Variants in SRD5A1 observed in about 807,000 individuals in gnomAD.
SRD5A1 encodes the protein steroid 5 alpha-reductase 1, also known as 3-oxo-5-alpha-steroid 4-dehydrogenase 1.
In SRD5A1, 22 loss-of-function variants were observed where a neutral mutation model predicts 28.2. The ratio of observed to expected loss-of-function variants is 0.78; its 90% CI spans 0.56 to 1.12. The LOEUF is 1.12. Ranked by LOEUF, SRD5A1 falls within the 50% of genes most tolerant of loss-of-function variation. SRD5A1 has a pLI of 0.00. For synonymous variants in SRD5A1, 151 were observed against 135.0 expected (o/e 1.12, Z -0.82); for missense variants, 300 against 346.7 (o/e 0.87, Z 1.07).
chr5:6,651,736 T>C, intron 1 of SRD5A1, 106 bp from the exon 2 acceptor site: 2 of 1,059,408 alleles, frequency 1.9e-6, no homozygotes, highest in Non-Finnish European at 2.7e-6. Context: ...GAGGATGACA[T>C]TTGTACAAGA....
intron 1 of SRD5A1, among the ~76,000 whole-genome samples, chr5:6,634,086 G>T (rs1254863408): frequency 6.6e-6 from 1 of 152,258 alleles, no homozygotes; most frequent in African/African-American, 2.4e-5. Flanking sequence ...TCTGGAAAGG[G>T]CGGGAAACAA....
intron 2 of SRD5A1, among the ~76,000 whole-genome samples, chr5:6,654,287 C>A (rs1738771170): frequency 6.6e-6 from 1 of 151,942 alleles, no homozygotes; most frequent in Non-Finnish European, 1.5e-5. Flanking sequence ...GGACTCCTGA[C>A]CTCAGGTGAT....
intron 3 of SRD5A1, among the ~76,000 whole-genome samples, chr5:6,659,621 G>A (rs1009302916): frequency 6.6e-6 from 1 of 152,154 alleles, no homozygotes; most frequent in Admixed American, 6.5e-5. Context: ...ACCCTATACC[G>A]GAGGAAGTGG....
At chr5:6,653,074 T>G (rs1463976959) in intron 2 of SRD5A1, among the ~76,000 whole-genome samples, 2 of 152,188 alleles carry the variant, frequency 1.3e-5, no homozygotes, top group African/African-American at 4.8e-5. Flanking sequence ...TAAAGTGACC[T>G]TACATTGCAT....
intron 3 of SRD5A1, among the ~76,000 whole-genome samples, chr5:6,658,568 C>A (rs772114636): frequency 4.3e-4 from 66 of 152,166 alleles, no homozygotes; most frequent in Non-Finnish European, 7.9e-4. Context: ...AAAGGAAATG[C>A]AGAAGCTTGG....
intron 2 of SRD5A1, 54 bp downstream of exon 2, chr5:6,652,062 G>T: frequency 6.5e-7 from 1 of 1,540,564 alleles, no homozygotes; most frequent in Non-Finnish European, 8.8e-7. Context: ...CTTTTATATT[G>T]ATGTCCCAGT....
intron 3 of SRD5A1, among the ~76,000 whole-genome samples, chr5:6,659,239 G>A (rs191541532): frequency 1.3e-5 from 2 of 151,066 alleles, no homozygotes; most frequent in Admixed American, 6.6e-5. Flanking sequence ...TCAGCCCCCC[G>A]AGTAGCTGGG....
intron 3 of SRD5A1, among the ~76,000 whole-genome samples, chr5:6,658,397 G>A (rs937225687): frequency 6.6e-6 from 1 of 152,180 alleles, no homozygotes; most frequent in African/African-American, 2.4e-5. Flanking sequence ...GAACACCTGC[G>A]ACGAACCCGC....
chr5:6,638,795 C>T (rs1366885574), intron 1 of SRD5A1, among the ~76,000 whole-genome samples: 17 of 152,132 alleles, frequency 1.1e-4, no homozygotes. Flanking sequence ...GCAATTTGGC[C>T]ATCATTTCAA....
rs553438148 is a variant in SRD5A1 at position 6,658,109 on chromosome 5, G to A, written c.562+1930G>A. Among the ~76,000 whole-genome samples the A allele has an allele frequency of 3.3e-5, 5 of 152,276 alleles. No individual in the cohort carries two copies. The South Asian group carries it at 1.0e-3, about 32-fold the overall frequency. Reference sequence around the variant, plus strand: ...AGAGGCCGAGGTGGGCAGATCACATGAGGTCCAGAGTTCGAGACCAACCTG... The same window carrying A: ...AGAGGCCGAGGTGGGCAGATCACATAAGGTCCAGAGTTCGAGACCAACCTG... On this transcript the variant is annotated intron_variant, in intron 3 of 4. Transcript: ENST00000274192.
rs956958199 is a variant in SRD5A1 at position 6,645,183 on chromosome 5, A to G, written c.294-6659A>G. ...CTTGAGGATGCACAGCCAGCATGAC[A>G]CTACTATTATGTGATTACTGTCGAC... On this transcript the variant is annotated intron_variant, in intron 1 of 4. Transcript: ENST00000274192. 8.3e-6 allele frequency: 3 copies of G among 359,988 alleles called. No homozygotes were observed. The East Asian group carries it at 2.2e-4, about 27-fold the overall frequency. The allele number at this position is 359,988 out of a possible 1,614,324, so 22.3% of individuals were successfully genotyped here.
chr5:6,669,056 T>C lies in SRD5A1; in HGVS notation c.*788T>C, dbSNP rs1251939988. The C allele has an allele frequency of 1.3e-5, 2 of 152,252 alleles. No homozygotes were observed. Among genetic ancestry groups the C allele is most frequent in the Admixed American group, 1.3e-4 (2 of 15,286 alleles). 9.4% of individuals were successfully genotyped at this position (152,252 alleles called of 1,614,324 possible). ...TCTGGTCTGACATGGTTTCTCTCTG[T>C]CTTCTAGTCTAGACCTAGTTTTTTT... On this transcript the variant is annotated 3_prime_UTR_variant, in exon 5 of 5. Coordinates refer to ENST00000274192, the MANE Select transcript of SRD5A1 (RefSeq NM_001047.4).
intron 4 of SRD5A1, among the ~76,000 whole-genome samples, chr5:6,667,822 T>C (rs1739231325): frequency 6.6e-6 from 1 of 152,190 alleles, no homozygotes; most frequent in Non-Finnish European, 1.5e-5. Flanking sequence ...TGGAGAAAAC[T>C]GCTGGAGTCA....
At chr5:6,656,277 A>G (rs1236590524) in intron 3 of SRD5A1, 98 bp downstream of exon 3, 1 of 876,722 alleles carries the variant, frequency 1.1e-6, no homozygotes, top group Non-Finnish European at 1.8e-6. Context: ...CGTAGTAGTT[A>G]TTAGCTACAA....
intron 2 of SRD5A1, 128 bp downstream of exon 2, chr5:6,652,136 C>G: frequency 9.0e-7 from 1 of 1,110,670 alleles, no homozygotes; most frequent in Non-Finnish European, 1.2e-6. Context: ...GCAGCAGCAC[C>G]CCGGAGTCCC....
At position 6,670,054 on chromosome 5, in the gene SRD5A1, A is replaced by G. The variant is rs889794260; in HGVS notation, c.*1786A>G. 2 of 152,342 alleles carry G rather than the reference A, an allele frequency of 1.3e-5. No homozygotes were observed. The allele number at this position is 152,342 out of a possible 1,614,324, so 9.4% of individuals were successfully genotyped here. A position where few individuals can be genotyped will look rare whatever the true frequency, so the allele number is the denominator to read the frequency against. ...AAACATGGCGCCTGCAGCAGAAAGC[A>G]GTGTCCTCTGCACCCCCACTCTCCA... On this transcript the variant is annotated 3_prime_UTR_variant, in exon 5 of 5. Coordinates refer to ENST00000274192, the MANE Select transcript of SRD5A1 (RefSeq NM_001047.4).
At chr5:6,651,299 A>T (rs930001409) in intron 1 of SRD5A1, among the ~76,000 whole-genome samples, 1 of 152,186 alleles carries the variant, frequency 6.6e-6, no homozygotes, top group East Asian at 1.9e-4. Context: ...TATTGCATGT[A>T]AGTAGAATCT....
At chr5:6,633,998 C>T in intron 1 of SRD5A1, 129 bp downstream of exon 1, 2 of 999,278 alleles carry the variant, frequency 2.0e-6, no homozygotes, top group South Asian at 1.5e-5. Context: ...GCCAGATCCC[C>T]CGGGGCGTCC....
rs539466686 is a variant in SRD5A1 at position 6,661,292 on chromosome 5, G to C, written c.563-1524G>C. Among the ~76,000 whole-genome samples, 11 of 150,974 alleles carry C rather than the reference G, an allele frequency of 7.3e-5. No homozygotes were observed. In the South Asian group the frequency reaches 2.3e-3, roughly 31 times the overall value. On this transcript the variant is annotated intron_variant, in intron 3 of 4. Coordinates refer to ENST00000274192, the MANE Select transcript of SRD5A1 (RefSeq NM_001047.4). ...GTCATGGCTCACACCTGTAATCCCA[G>C]CACTTTGGGAGGCCAAGAGAGGTGG...
Sources: allele counts gnomAD v4.1 joint callset (sites outside exome capture counted in the v4.1 genomes callset), GRCh38; gene constraint gnomAD v4.1.1; transcripts MANE v1.5; gene names NCBI Gene and HGNC (gene_info 2026-07-23, HGNC 2026-07-21).